The following ZNF587 variants were observed in gnomAD, a reference collection of about 807,000 sequenced individuals.
The protein encoded by ZNF587 is zinc finger protein zfp6.
Under a neutral mutation model 7.5 loss-of-function variants are expected in ZNF587, and 8 were observed. That is an observed-to-expected ratio of 1.06 (90% confidence interval 0.62 to 1.92). The LOEUF is 1.92. Ranked by LOEUF, ZNF587 falls within the 40% of genes most tolerant of loss-of-function variation. The pLI, the probability that ZNF587 is intolerant of heterozygous loss-of-function variation, is 0.00. For synonymous variants in ZNF587, 145 were observed against 237.8 expected, an observed-to-expected ratio of 0.61 and a Z score of 3.59; for missense variants, 468 against 692.8, an observed-to-expected ratio of 0.68 and a Z score of 3.64.
chr19:57,855,557 C>CT lies in ZNF587; in HGVS notation c.34-540dup, dbSNP rs1025898932. 2.6e-4 allele frequency among the ~76,000 whole-genome samples: 38 copies of CT among 144,850 alleles called. 1 individual carries two copies. Among genetic ancestry groups the CT allele is most frequent in the African/African-American group, 1.0e-3 (38 of 38,112 alleles). On this transcript the variant is annotated intron_variant, in intron 1 of 2. Coordinates refer to ENST00000339656, the MANE Select transcript of ZNF587 (RefSeq NM_032828.4). ...ATCGCTGTTCAGAAGGGGGTGTGGG[C>CT]TTTTTTTGTTTTTTTTTTTTTTGAG...
At chr19:57,855,956 A>G (rs2071349965) in intron 1 of ZNF587, 148 bp from the exon 2 acceptor site, 9 of 1,381,534 alleles carry the variant, frequency 6.5e-6, no homozygotes, top group African/African-American at 1.5e-5. Flanking sequence ...CAGCAGGCCC[A>G]TGAAGAGACA....
At position 57,860,088 on chromosome 19, in the gene ZNF587, G is replaced by A. The variant is rs141258730; in HGVS notation, c.1676G>A (p.Arg559Gln). ...ECTKCGKTFQ[R>Q]SSTLLHHQSS... ...ACCAAATGTGGAAAAACATTTCAGC[G>A]AAGCTCTACCCTCCTTCATCATCAG... The change falls in exon 3 of 3, where the codon CGA becomes CAA. Residue 559 changes from arginine to glutamine, a missense_variant. By Grantham distance (43) the Arg-to-Gln change is conservative. Transcript: ENST00000339656. 14,338 of 1,613,898 alleles carry A rather than the reference G, an allele frequency of 8.9e-3. 112 individuals are homozygous for A. Among genetic ancestry groups the A allele is most frequent in the Non-Finnish European group, 0.011 (12,539 of 1,179,942 alleles).
intron 1 of ZNF587, chr19:57,852,422 G>A: frequency 2.5e-6 from 1 of 398,754 alleles, no homozygotes; most frequent in Non-Finnish European, 4.4e-6. Flanking sequence ...AAAGGTCAGA[G>A]ATAAGGCTCC....
chr19:57,860,284 GT>G lies in ZNF587; in HGVS notation c.*146del, dbSNP rs763305767. 4.7e-6 allele frequency: 7 copies of G among 1,484,732 alleles called. No individual in the cohort carries two copies. Among genetic ancestry groups the G allele is most frequent in the Non-Finnish European group, 6.4e-6 (7 of 1,086,228 alleles). 92.0% of individuals were successfully genotyped at this position (1,484,732 alleles called of 1,614,324 possible). ...TGTCCTCGGTCTTAAGCGACTTCGT[GT>G]TGAGATGGAGTCTTGTTCTGTCACC... On this transcript the variant is annotated 3_prime_UTR_variant, in exon 3 of 3. Coordinates refer to ENST00000339656, the MANE Select transcript of ZNF587 (RefSeq NM_032828.4).
chr19:57,860,023 A>T lies in ZNF587; in HGVS notation c.1611A>T (p.Lys537Asn). The T allele has an allele frequency of 6.2e-7, 1 of 1,613,896 alleles. No homozygotes were observed. Among genetic ancestry groups the T allele is most frequent in the Admixed American group, 1.7e-5 (1 of 59,998 alleles). The change falls in exon 3 of 3, where the codon AAA becomes AAT. Residue 537 changes from lysine (K) to asparagine (N), a missense_variant. Lys to Asn is a moderately conservative substitution (Grantham distance 94). Around this residue, in one of 5 missense-constraint regions of ZNF587, gnomAD observed 310 missense variants for 325.6 expected, o/e 0.95. Transcript: ENST00000339656. ...TTTCTGAATGTTCCAGTCTCATTAA[A>T]CACAGGAGAATTCACACTGGAGAAA... is the stretch of plus-strand genomic sequence containing the variant. Reference protein sequence around the residue: ...KSFSECSSLIKHRRIHTGERP... With the variant: ...KSFSECSSLINHRRIHTGERP...
intron 1 of ZNF587, chr19:57,850,861 G>A (rs1351524082): frequency 3.4e-6 from 1 of 292,998 alleles, no homozygotes; most frequent in Non-Finnish European, 6.3e-6. Context: ...AAGATGTAAA[G>A]CACTGGCCGT....
chr19:57,853,262 A>G (rs1301398026), intron 1 of ZNF587, among the ~76,000 whole-genome samples: 1 of 152,204 alleles, frequency 6.6e-6, no homozygotes, highest in Admixed American at 6.5e-5. Flanking sequence ...TTCAGCTGAG[A>G]TGACGTTGGT....
intron 1 of ZNF587, among the ~76,000 whole-genome samples, chr19:57,855,149 C>A (rs1032295253): frequency 4.6e-5 from 7 of 151,546 alleles, no homozygotes; most frequent in African/African-American, 9.7e-5. Flanking sequence ...ATGCTACTGC[C>A]CTCCAGCCTG....
rs1347041730 is a variant in ZNF587, at chr19:57,861,670, CCATTT to C, written c.*1535_*1539del. 3 of 152,032 alleles carry C rather than the reference CCATTT, an allele frequency of 2.0e-5. No homozygotes were observed. Among genetic ancestry groups the C allele is most frequent in the Non-Finnish European group, 4.4e-5 (3 of 68,024 alleles). The allele number at this position is 152,032 out of a possible 1,614,324, so 9.4% of individuals were successfully genotyped here. A position where few individuals can be genotyped will look rare whatever the true frequency, so the allele number is the denominator to read the frequency against. On this transcript the variant is annotated 3_prime_UTR_variant, in exon 3 of 3. Coordinates refer to ENST00000339656, the MANE Select transcript of ZNF587 (RefSeq NM_032828.4). Reference sequence around the variant, plus strand: ...TTTTAAAATGAATTTTATCTATTTCCCATTTCATTAATATATTTAAAAATAATGAA... The same window carrying C: ...TTTTAAAATGAATTTTATCTATTTCCCATTAATATATTTAAAAATAATGAA...
rs2071427384 is a variant in ZNF587, at chr19:57,861,121, G to C, written c.*981G>C. The C allele has an allele frequency of 6.6e-6, 1 of 152,092 alleles. No individual in the cohort carries two copies. The highest frequency in any genetic ancestry group is 2.4e-5 in the African/African-American group (1 of 41,412). The allele number at this position is 152,092 out of a possible 1,614,324, so 9.4% of individuals were successfully genotyped here. The stretch of plus-strand genomic sequence containing the variant: ...TGATCTGCCTGCCTCAGCTTCTCAG[G>C]TGTGACCTACTGTGCTTGGCCTAAT... On this transcript the variant is annotated 3_prime_UTR_variant, in exon 3 of 3. Transcript: ENST00000339656.
chr19:57,858,089 CCTTTATAGCCCAGGAATT>C lies in ZNF587; in HGVS notation c.164-484_164-467del, dbSNP rs570387301. 5.4e-3 allele frequency: 880 copies of C among 162,264 alleles called. 3 individuals carry two copies. Among genetic ancestry groups the C allele is most frequent in the Middle Eastern group, 0.01 (3 of 300 alleles). The allele number at this position is 162,264 out of a possible 1,614,324, so 10.1% of individuals were successfully genotyped here. On this transcript the variant is annotated intron_variant, in intron 2 of 2. Transcript: ENST00000339656. ...TCATGAAGCCTCCTGGATTCTGTGA[CCTTTATAGCCCAGGAATT>C]CTAAGAAGCCCCATCTTTTTTTTTT...
intron 1 of ZNF587, chr19:57,850,451 G>C (rs746959282): frequency 4.0e-6 from 2 of 506,082 alleles, no homozygotes; most frequent in African/African-American, 1.9e-5. Flanking sequence ...TGGATTCATA[G>C]GGGGTTAAAG....
rs2071447684 is a variant in ZNF587 at position 57,862,625 on chromosome 19, C to T, written c.*2485C>T. 1.3e-5 allele frequency: 2 copies of T among 154,872 alleles called. No individual in the cohort carries two copies. The highest frequency in any genetic ancestry group is 4.8e-5 in the African/African-American group (2 of 41,518). 9.6% of individuals were successfully genotyped at this position (154,872 alleles called of 1,614,324 possible). On this transcript the variant is annotated 3_prime_UTR_variant, in exon 3 of 3. Transcript: ENST00000339656. ...CAGGGGTCACATGCCCATTTCCCCA[C>T]TTGCATGAATGTCGACACTGCAGCC...
At position 57,859,551 on chromosome 19, in the gene ZNF587, A is replaced by C. The variant is rs1313428431; in HGVS notation, c.1139A>C (p.Tyr380Ser). 6.2e-7 allele frequency: 1 copy of C among 1,613,924 alleles called. No homozygotes were observed. Among genetic ancestry groups the C allele is most frequent in the African/African-American group, 1.3e-5 (1 of 74,878 alleles). Residue 380 changes from tyrosine to serine, a missense_variant, in exon 3 of 3, where the codon TAC becomes TCC. Coordinates refer to ENST00000339656, the MANE Select transcript of ZNF587 (RefSeq NM_032828.4). Reference protein sequence around the residue: ...HQRVHTGERPYKCGECGKSFG... With the variant: ...HQRVHTGERPSKCGECGKSFG... ...CGTGTTCACACTGGAGAAAGGCCTTACAAGTGTGGAGAATGTGGGAAATCT... is the reference window on the plus strand; with the variant it reads ...CGTGTTCACACTGGAGAAAGGCCTTCCAAGTGTGGAGAATGTGGGAAATCT...
At chr19:57,855,813 A>G (rs553028748) in intron 1 of ZNF587, among the ~76,000 whole-genome samples, 13 of 152,288 alleles carry the variant, frequency 8.5e-5, no homozygotes, top group Admixed American at 7.2e-4. Flanking sequence ...TGCCCGAATC[A>G]GTGTCCCAAA....
intron 1 of ZNF587, chr19:57,853,750 C>CTTTTTTTTTTTTTTTTTTTTTT (rs1232931569): frequency 6.9e-6 from 1 of 144,366 alleles, no homozygotes; most frequent in Non-Finnish European, 1.5e-5. Context: ...AAAGTTGTAA[C>CTTTTTTTTTTTTTTTTTTTTTT]TTTTTTGTTT....
In ZNF587 at chr19:57,861,750, T is replaced by C. The variant is rs185736190; in HGVS notation, c.*1610T>C. ...CATTCATTCTTCAGTGATGTCACTTTGCTGCAAGGAATATTTGGTTTTCTT... is the reference window on the plus strand; with the variant it reads ...CATTCATTCTTCAGTGATGTCACTTCGCTGCAAGGAATATTTGGTTTTCTT... On this transcript the variant is annotated 3_prime_UTR_variant, in exon 3 of 3. Coordinates refer to ENST00000339656, the MANE Select transcript of ZNF587 (RefSeq NM_032828.4). The C allele has an allele frequency of 6.6e-6, 1 of 151,186 alleles. No homozygotes were observed. Among genetic ancestry groups the C allele is most frequent in the Non-Finnish European group, 1.5e-5 (1 of 67,994 alleles). The allele number at this position is 151,186 out of a possible 1,614,324, so 9.4% of individuals were successfully genotyped here.
At position 57,862,703 on chromosome 19, in the gene ZNF587, A is replaced by G. The variant is rs1000663840; in HGVS notation, c.*2563A>G. 1.3e-5 allele frequency: 2 copies of G among 154,980 alleles called. No individual in the cohort carries two copies. Among genetic ancestry groups the G allele is most frequent in the Non-Finnish European group, 2.9e-5 (2 of 68,252 alleles). The allele number at this position is 154,980 out of a possible 1,614,324, so 9.6% of individuals were successfully genotyped here. On this transcript the variant is annotated 3_prime_UTR_variant, in exon 3 of 3. Coordinates refer to ENST00000339656, the MANE Select transcript of ZNF587 (RefSeq NM_032828.4). ...GCAAGTAACCACTGTTCCCAGGGAAATGTCCCAATCAGAAGAAGATTATCT... is the reference window on the plus strand; with the variant it reads ...GCAAGTAACCACTGTTCCCAGGGAAGTGTCCCAATCAGAAGAAGATTATCT...
Position 57,859,802 on chromosome 19 carries a change from T to C in ZNF587, c.1390T>C (p.Tyr464His), listed in dbSNP as rs775186299. 11 of 1,614,146 alleles carry C rather than the reference T, an allele frequency of 6.8e-6. No homozygotes were observed. In the South Asian group the frequency reaches 1.1e-4, roughly 16 times the overall value. ...GAGAGTTCACACTGGAGAAAGGCCA[T>C]ATGCGTGTGAGGTATGTGGGAAATT... is the stretch of plus-strand genomic sequence containing the variant. ...HERVHTGERP[Y>H]ACEVCGKLFG... Residue 464 changes from tyrosine to histidine, a missense_variant, in exon 3 of 3, where the codon TAT becomes CAT. Physicochemically the swap from Tyr to His is moderately conservative, Grantham distance 83 (BLOSUM62 2). Transcript: ENST00000339656.
Sources: allele counts gnomAD v4.1 joint callset (sites outside exome capture counted in the v4.1 genomes callset), GRCh38; gene constraint gnomAD v4.1.1; regional missense constraint gnomAD v4.1.1; transcripts MANE v1.5; gene names NCBI Gene and HGNC (gene_info 2026-07-23, HGNC 2026-07-21).